The following MOB3B variants were observed in gnomAD, a reference collection of about 807,000 sequenced individuals.
MOB3B encodes MOB kinase activator-like 2B.
Under a neutral mutation model 18.7 loss-of-function variants are expected in MOB3B, and 7 were observed. That is an observed-to-expected ratio of 0.37 (90% CI 0.21 to 0.70). The LOEUF (loss-of-function observed/expected upper bound fraction) is 0.70, where lower values mean the gene tolerates loss of function less well. MOB3B is among the 30% of genes least tolerant of loss of function. The probability of loss-of-function intolerance (pLI) is 0.52; values close to 1 mark genes in which losing one functional copy is unlikely to be tolerated. For missense variants in MOB3B, 253 were observed against 281.3 expected, an observed-to-expected ratio of 0.90 and a Z score of 0.72; for synonymous variants, 111 against 99.9, an observed-to-expected ratio of 1.11 and a Z score of -0.66.
chr9:27,345,433 C>G (rs1207703024), intron 3 of MOB3B, among the ~76,000 whole-genome samples: 1 of 152,062 alleles, frequency 6.6e-6, no homozygotes, highest in East Asian at 1.9e-4. Flanking sequence ...AAGTACTGCT[C>G]TAAGTAGTTG....
chr9:27,524,932 A>C, intron 1 of MOB3B: 1 of 1,605,366 alleles, frequency 6.2e-7, no homozygotes, highest in Non-Finnish European at 8.5e-7. Flanking sequence ...TACTTTTACA[A>C]ATTTACAGCT....
At chr9:27,496,305 GA>G (rs34638091) in intron 1 of MOB3B, among the ~76,000 whole-genome samples, 1 of 83,190 alleles carries the variant, frequency 1.2e-5, no homozygotes, top group Non-Finnish European at 3.7e-5. Flanking sequence ...GTTAAACTCA[GA>G]AGGACCACTG....
intron 2 of MOB3B, among the ~76,000 whole-genome samples, chr9:27,387,381 C>T (rs1471799486): frequency 1.3e-5 from 2 of 152,120 alleles, no homozygotes; most frequent in Non-Finnish European, 2.9e-5. Flanking sequence ...TAGTAAAGAG[C>T]CTGGATCTGA....
chr9:27,363,914 G>A (rs1456964599), intron 2 of MOB3B, among the ~76,000 whole-genome samples: 2 of 151,928 alleles, frequency 1.3e-5, no homozygotes, highest in South Asian at 2.1e-4. Flanking sequence ...GCTAACTTTT[G>A]TAAATGTTTT....
rs541024189 is a variant in MOB3B at position 27,325,612 on chromosome 9, T to C, written c.*4975A>G. The C allele has an allele frequency of 1.4e-4, 21 of 152,350 alleles. No homozygotes were observed. Among genetic ancestry groups the C allele is most frequent in the African/African-American group, 4.6e-4 (19 of 41,572 alleles). 9.4% of individuals were successfully genotyped at this position (152,350 alleles called of 1,614,324 possible). A position where few individuals can be genotyped will look rare whatever the true frequency, so the allele number is the denominator to read the frequency against. On this transcript the variant is annotated 3_prime_UTR_variant, in exon 4 of 4. Coordinates refer to ENST00000262244, the MANE Select transcript of MOB3B (RefSeq NM_024761.5). ...ATTTTTTAAGGCAGGAAAACAATCA[T>C]TATTTCCAAACACACTTTGTTTGTC... is the stretch of plus-strand genomic sequence containing the variant.
rs770114860 is a variant in MOB3B, at chr9:27,455,578, G to T, written c.-28C>A. ...TCTTCTCTTTCGCTTCCTTTCTTTT[G>T]CAGGAAGCGAAAAGGCACCTGGAAC... is the stretch of plus-strand genomic sequence containing the variant. On this transcript the variant is annotated 5_prime_UTR_variant, in exon 2 of 4. Coordinates refer to ENST00000262244, the MANE Select transcript of MOB3B (RefSeq NM_024761.5). 2 of 1,612,836 alleles carry T rather than the reference G, an allele frequency of 1.2e-6. No individual in the cohort carries two copies. Among genetic ancestry groups the T allele is most frequent in the Admixed American group, 3.3e-5 (2 of 59,742 alleles).
intron 2 of MOB3B, among the ~76,000 whole-genome samples, chr9:27,374,668 T>C (rs1821466796): frequency 6.6e-6 from 1 of 152,178 alleles, no homozygotes; most frequent in Non-Finnish European, 1.5e-5. Flanking sequence ...CCCACAGGAC[T>C]GTCTTCTTTG....
At chr9:27,336,811 C>T (rs10967900) in intron 3 of MOB3B, among the ~76,000 whole-genome samples, 4,091 of 152,172 alleles carry the variant, frequency 0.027, 169 homozygotes, top group African/African-American at 0.093. Flanking sequence ...GTAATGGAAA[C>T]AGAACGGAAA....
At chr9:27,412,902 G>A (rs999272593) in intron 2 of MOB3B, among the ~76,000 whole-genome samples, 6 of 152,222 alleles carry the variant, frequency 3.9e-5, no homozygotes, top group African/African-American at 1.2e-4. Context: ...CCTGTGAGAC[G>A]TCACAGTTGA....
chr9:27,386,270 G>T (rs1306197759), intron 2 of MOB3B, among the ~76,000 whole-genome samples: 4 of 152,132 alleles, frequency 2.6e-5, no homozygotes, highest in Admixed American at 2.6e-4. Context: ...GGATTGAGGG[G>T]TTTAATTATT....
At chr9:27,398,859 T>C (rs1468699150) in intron 2 of MOB3B, among the ~76,000 whole-genome samples, 1 of 152,214 alleles carries the variant, frequency 6.6e-6, no homozygotes, top group Non-Finnish European at 1.5e-5. Flanking sequence ...AAAAGGTATA[T>C]ACAATTTGTC....
chr9:27,366,202 T>C (rs1475188780), intron 2 of MOB3B, among the ~76,000 whole-genome samples: 1 of 152,204 alleles, frequency 6.6e-6, no homozygotes. Flanking sequence ...CTGCTGAGTT[T>C]ATGAATGTGT....
chr9:27,422,937 GTGT>G (rs1822276939), intron 2 of MOB3B, among the ~76,000 whole-genome samples: 1 of 152,158 alleles, frequency 6.6e-6, no homozygotes, highest in South Asian at 2.1e-4. Context: ...CTGGAAAAAA[GTGT>G]TGTTCAATAG....
intron 3 of MOB3B, among the ~76,000 whole-genome samples, chr9:27,344,519 T>A (rs1429361545): frequency 1.3e-5 from 2 of 152,216 alleles, no homozygotes; most frequent in Non-Finnish European, 2.9e-5. Context: ...ACACACCCAC[T>A]GAGCACCTAT....
At chr9:27,477,112 G>T (rs1223978209) in intron 1 of MOB3B, among the ~76,000 whole-genome samples, 6 of 152,180 alleles carry the variant, frequency 3.9e-5, no homozygotes, top group Non-Finnish European at 8.8e-5. Flanking sequence ...AGGGCTCTGT[G>T]CTTGGTTGAA....
intron 1 of MOB3B, among the ~76,000 whole-genome samples, chr9:27,470,440 A>T (rs555242976): frequency 6.6e-6 from 1 of 152,126 alleles, no homozygotes; most frequent in Non-Finnish European, 1.5e-5. Context: ...TCAGTGGCTA[A>T]ATCCCTGCCC....
At chr9:27,366,525 T>C (rs62540095) in intron 2 of MOB3B, among the ~76,000 whole-genome samples, 1,538 of 152,312 alleles carry the variant, frequency 0.01, 15 homozygotes, top group Middle Eastern at 0.02. Context: ...TTTTATCTTG[T>C]TATGGAGGCC....
At chr9:27,522,420 CATATATA>C (rs1426504585) in intron 1 of MOB3B, among the ~76,000 whole-genome samples, 17 of 141,380 alleles carry the variant, frequency 1.2e-4, no homozygotes, top group Middle Eastern at 7.4e-3. Flanking sequence ...GACATTTTTT[CATATATA>C]TATATATATA....
chr9:27,466,182 G>A (rs1448949396), intron 1 of MOB3B, among the ~76,000 whole-genome samples: 1 of 152,154 alleles, frequency 6.6e-6, no homozygotes, highest in Admixed American at 6.5e-5. Flanking sequence ...AAGCTTTGCT[G>A]CTTAGAAATT....
Sources: gnomAD v4.1 joint callset for allele counts (sites outside exome capture counted in the v4.1 genomes callset) on GRCh38, gnomAD v4.1.1 for gene constraint, MANE v1.5 for transcripts, NCBI Gene and HGNC (gene_info 2026-07-23, HGNC 2026-07-21) for gene names.